NAV3: variants seen among roughly 807,000 people sequenced by gnomAD.
NAV3 encodes neuron navigator 3.
Under a neutral mutation model 244.7 loss-of-function variants are expected in NAV3, and 87 were observed. That is an observed-to-expected ratio of 0.36 (90% CI 0.30 to 0.42). The LOEUF is 0.42. Ranked by LOEUF, NAV3 falls within the 20% of genes least tolerant of loss-of-function variation. NAV3 has a pLI of 1.00. For missense variants in NAV3, 2,663 were observed against 2,893.3 expected, an observed-to-expected ratio of 0.92 and a Z score of 1.83; for synonymous variants, 1,126 against 1,042.2, an observed-to-expected ratio of 1.08 and a Z score of -1.55.
exon 2 of NAV3, chr12:77,572,105 G>T (rs1398835248): frequency 6.5e-6 from 1 of 154,366 alleles, no homozygotes; most frequent in African/African-American, 2.4e-5. Flanking sequence ...GGGGAACGTG[G>T]CGGGCCAGTG....
intron 1 of NAV3, among the ~76,000 whole-genome samples, chr12:77,895,867 A>G (rs1265077560): frequency 6.7e-6 from 1 of 150,154 alleles, no homozygotes; most frequent in African/African-American, 2.4e-5. Context: ...AAAAGTATAA[A>G]TTATAATTTA....
chr12:78,097,648 C>A (rs2138147950), intron 12 of NAV3, among the ~76,000 whole-genome samples: 2 of 152,108 alleles, frequency 1.3e-5, no homozygotes, highest in African/African-American at 4.8e-5. Context: ...ATGGTTAATA[C>A]TTTTGTAATT....
chr12:77,875,350 GTCT>G (rs1881695651), intron 1 of NAV3, among the ~76,000 whole-genome samples: 1 of 151,856 alleles, frequency 6.6e-6, no homozygotes, highest in East Asian at 1.9e-4. Flanking sequence ...CTTCAAAAAG[GTCT>G]TCTCTTACCA....
At chr12:77,581,777 G>C (rs1189872356) in intron 2 of NAV3, among the ~76,000 whole-genome samples, 1 of 152,140 alleles carries the variant, frequency 6.6e-6, no homozygotes, top group African/African-American at 2.4e-5. Context: ...ATTGCACACA[G>C]ATTTAAATGA....
chr12:78,188,323 G>A lies in NAV3; in HGVS notation c.5866G>A (p.Val1956Ile), dbSNP rs1958817828. ...AACCAAGTGGGATGTCTTAGATGGT[G>A]TAATAAGACGTCTCTTTAAGGTATG... is the stretch of plus-strand genomic sequence containing the variant. ...GKTKWDVLDG[V>I]IRRLFKEYVF... Residue 1956 changes from valine to isoleucine, a missense_variant, in exon 32 of 40, where the codon GTA becomes ATA. By Grantham distance (29) the Val-to-Ile change is conservative. Coordinates refer to ENST00000397909, the MANE Select transcript of NAV3 (RefSeq NM_001024383.2). 5.6e-6 allele frequency: 9 copies of A among 1,610,182 alleles called. No individual in the cohort carries two copies. Among genetic ancestry groups the A allele is most frequent in the Non-Finnish European group, 6.8e-6 (8 of 1,177,152 alleles).
intron 2 of NAV3, among the ~76,000 whole-genome samples, chr12:77,724,314 CTT>C (rs1405907220): frequency 6.6e-6 from 1 of 151,848 alleles, no homozygotes; most frequent in Non-Finnish European, 1.5e-5. Flanking sequence ...TGTTAAAAAA[CTT>C]TCATTCAATG....
At chr12:77,723,162 A>G (rs576138657) in intron 2 of NAV3, among the ~76,000 whole-genome samples, 7 of 152,162 alleles carry the variant, frequency 4.6e-5, no homozygotes, top group South Asian at 2.1e-4. Context: ...TGCTCTCTCC[A>G]TGTAGAAGTG....
intron 12 of NAV3, among the ~76,000 whole-genome samples, chr12:78,111,466 A>T (rs1447549805): frequency 6.6e-6 from 1 of 152,162 alleles, no homozygotes; most frequent in African/African-American, 2.4e-5. Flanking sequence ...TTGAACATAC[A>T]TGTCACCAAA....
intron 15 of NAV3, among the ~76,000 whole-genome samples, chr12:78,120,675 A>T (rs1032653682): frequency 2.0e-5 from 3 of 152,182 alleles, no homozygotes; most frequent in South Asian, 4.1e-4. Flanking sequence ...TTAAATACCC[A>T]TGTGTTTTTA....
chr12:78,171,150 G>A (rs1957983453), intron 24 of NAV3, among the ~76,000 whole-genome samples: 1 of 151,604 alleles, frequency 6.6e-6, no homozygotes, highest in Non-Finnish European at 1.5e-5. Context: ...AGTTCTGTAG[G>A]GGCTACTTCT....
intron 1 of NAV3, among the ~76,000 whole-genome samples, chr12:77,840,545 T>C (rs1875462647): frequency 6.6e-6 from 1 of 152,180 alleles, no homozygotes; most frequent in African/African-American, 2.4e-5. Context: ...AAGCTATTAA[T>C]CATCAGCAAT....
At chr12:77,825,496 AG>A (rs953081647) in intron 2 of NAV3, among the ~76,000 whole-genome samples, 1 of 152,200 alleles carries the variant, frequency 6.6e-6, no homozygotes, top group Non-Finnish European at 1.5e-5. Context: ...TGTAATTTGA[AG>A]GCATATTCTA....
chr12:77,934,451 C>CT (rs5799358), intron 1 of NAV3, among the ~76,000 whole-genome samples: 127,670 of 152,052 alleles, frequency 0.84, 53,713 homozygotes, highest in East Asian at 0.98. Context: ...CAATGTTGTC[C>CT]TTTGTGATTC....
intron 2 of NAV3, among the ~76,000 whole-genome samples, chr12:77,607,956 A>G (rs1161916140): frequency 6.6e-6 from 1 of 152,146 alleles, no homozygotes; most frequent in East Asian, 1.9e-4. Flanking sequence ...AGTGATTTGT[A>G]CAAAGGTGGT....
At chr12:77,656,867 A>G (rs551877981) in intron 2 of NAV3, among the ~76,000 whole-genome samples, 1 of 152,100 alleles carries the variant, frequency 6.6e-6, no homozygotes, top group Admixed American at 6.6e-5. Context: ...TACTGGGTAC[A>G]TAACAAAATG....
rs1442207317 is a variant in NAV3, at chr12:78,015,679, G to A, written c.1908-6068G>A. ...ATTTGTCTCCAGTTGTATGTAATAG[G>A]TATTTTTGTGGGAAGATATTTTGAG... On this transcript the variant is annotated intron_variant, in intron 8 of 39. Transcript: ENST00000397909. Among the ~76,000 whole-genome samples the A allele has an allele frequency of 5.3e-5, 8 of 152,082 alleles. No individual in the cohort carries two copies. In the East Asian group the frequency reaches 1.5e-3, roughly 29 times the overall value.
intron 2 of NAV3, among the ~76,000 whole-genome samples, chr12:77,682,700 T>C (rs898668759): frequency 1.3e-5 from 2 of 152,140 alleles, no homozygotes; most frequent in Non-Finnish European, 2.9e-5. Flanking sequence ...GTCATTCTAA[T>C]AGTAGTGAAG....
chr12:77,578,347 G>C (rs117180518), intron 2 of NAV3, among the ~76,000 whole-genome samples: 1 of 152,122 alleles, frequency 6.6e-6, no homozygotes. Context: ...CAGTTTCTGA[G>C]AGCACCCCAG....
At chr12:78,050,150 A>G (rs779722843) in intron 10 of NAV3, 49 bp downstream of exon 10, 1 of 1,267,268 alleles carries the variant, frequency 7.9e-7, no homozygotes, top group Admixed American at 2.0e-5. Context: ...AAAAATAATT[A>G]CAAACAAACA....
Sources: allele counts gnomAD v4.1 joint callset (sites outside exome capture counted in the v4.1 genomes callset), GRCh38; gene constraint gnomAD v4.1.1; transcripts MANE v1.5; gene names NCBI Gene and HGNC (gene_info 2026-07-23, HGNC 2026-07-21).